OASL: variants seen among roughly 807,000 people sequenced by gnomAD.
OASL encodes the protein 2'-5'-oligoadenylate synthetase like, also known as 2'-5'-oligoadenylate synthase-like protein.
In OASL, 28 loss-of-function variants were observed where a neutral mutation model predicts 35.3. The ratio of observed to expected loss-of-function variants is 0.79; its 90% CI spans 0.59 to 1.09. The LOEUF (loss-of-function observed/expected upper bound fraction) is 1.09, where lower values mean the gene tolerates loss of function less well. Ranked by LOEUF, OASL falls within the 50% of genes least tolerant of loss-of-function variation. OASL has a pLI of 0.00. For synonymous variants in OASL, 252 were observed against 254.6 expected (o/e 0.99, Z 0.10); for missense variants, 620 against 635.2 (o/e 0.98, Z 0.26).
chr12:121,019,125 C>T (rs1298770777), exon 6 of OASL: 1 of 151,872 alleles, frequency 6.6e-6, no homozygotes. Flanking sequence ...ATTTTTCATT[C>T]TTTTTTTTAT....
At chr12:121,022,712 C>A (rs1592931828) in intron 5 of OASL, among the ~76,000 whole-genome samples, 1 of 152,232 alleles carries the variant, frequency 6.6e-6, no homozygotes, top group East Asian at 1.9e-4. Flanking sequence ...ATCCCAGCCT[C>A]CCATCCTTTA....
intron 1 of OASL, among the ~76,000 whole-genome samples, chr12:121,038,087 T>TA (rs571751942): frequency 0.05 from 7,094 of 141,708 alleles, 318 homozygotes; most frequent in African/African-American, 0.12. Flanking sequence ...ACCCTGTCTC[T>TA]AAAAAAAAAA....
chr12:121,032,235 C>T (rs1404990880), intron 2 of OASL, among the ~76,000 whole-genome samples: 2 of 151,986 alleles, frequency 1.3e-5, no homozygotes, highest in Non-Finnish European at 2.9e-5. Flanking sequence ...GAACCAGGAA[C>T]CAGTTCCATG....
At position 121,024,971 on chromosome 12, in the gene OASL, C is replaced by CTTTTTTTTTT. The variant is rs751576824; in HGVS notation, c.900-844_900-835dup. 4.7e-5 allele frequency among the ~76,000 whole-genome samples: 3 copies of CTTTTTTTTTT among 63,572 alleles called. 1 individual carries two copies. The highest frequency in any genetic ancestry group is 5.3e-4 in the East Asian group (1 of 1,902). The allele number at this position is 63,572 out of a possible 152,430, so 41.7% of individuals were successfully genotyped here. A position where few individuals can be genotyped will look rare whatever the true frequency, so the allele number is the denominator to read the frequency against. ...CCTTTTTACAGACCTCCCTAAGTTC[C>CTTTTTTTTTT]TTTTTTTTTTTTTTTTTTTTTTTTT... On this transcript the variant is annotated intron_variant, in intron 4 of 5. Coordinates refer to ENST00000257570, the Ensembl canonical transcript of OASL.
At chr12:121,023,662 A>G (rs1869349278) in intron 5 of OASL, 1 of 234,106 alleles carries the variant, frequency 4.3e-6, no homozygotes, top group South Asian at 6.5e-5. Context: ...CATCCCTGAG[A>G]ACAGCACTGG....
At chr12:121,023,108 A>G (rs1005174432) in intron 5 of OASL, among the ~76,000 whole-genome samples, 2 of 152,064 alleles carry the variant, frequency 1.3e-5, no homozygotes, top group African/African-American at 4.8e-5. Context: ...CTCTGCCTAT[A>G]CTATAGGTTT....
intron 1 of OASL, among the ~76,000 whole-genome samples, chr12:121,035,151 C>T (rs1869901053): frequency 6.6e-6 from 1 of 152,070 alleles, no homozygotes; most frequent in Admixed American, 6.6e-5. Flanking sequence ...CCCTGTGTGA[C>T]ATGAGCACGG....
chr12:121,028,630 G>GC (rs950008962), intron 3 of OASL, among the ~76,000 whole-genome samples: 14 of 58,188 alleles, frequency 2.4e-4, no homozygotes, highest in Middle Eastern at 7.9e-3. Flanking sequence ...CCCCCCGCCC[G>GC]CCCCCCCTAC....
downstream of OASL, among the ~76,000 whole-genome samples, chr12:121,018,898 GATC>G (rs1869132938): frequency 1.4e-5 from 2 of 143,670 alleles, no homozygotes; most frequent in Admixed American, 1.4e-4. Flanking sequence ...AAAAAGAAGC[GATC>G]CTAGAGACAC....
At chr12:121,027,704 G>A (rs758031506) in exon 4 of OASL, 50 of 1,614,036 alleles carry the variant, frequency 3.1e-5, no homozygotes, top group South Asian at 7.7e-5. Flanking sequence ...TGAAGCCTTC[G>A]TCCAACATGA....
At chr12:121,021,101 C>A in intron 5 of OASL, 43 bp from the exon 6 acceptor site, 1 of 1,507,842 alleles carries the variant, frequency 6.6e-7, no homozygotes, top group Non-Finnish European at 8.8e-7. Context: ...GTCCACACTT[C>A]TTTGTCTGAT....
At chr12:121,021,139 A>G (rs1869219178) in intron 5 of OASL, 81 bp from the exon 6 acceptor site, 1 of 1,395,502 alleles carries the variant, frequency 7.2e-7, no homozygotes. Context: ...ATCTGTCCTT[A>G]TCTTTACAAT....
At chr12:121,031,185 C>G (rs111328103) in intron 3 of OASL, among the ~76,000 whole-genome samples, 2,668 of 152,032 alleles carry the variant, frequency 0.018, 89 homozygotes, top group African/African-American at 0.061. Context: ...ATAAAAATAA[C>G]TAGTTTACTG....
chr12:121,033,797 C>A, intron 1 of OASL, 54 bp from the exon 2 acceptor site: 1 of 1,575,178 alleles, frequency 6.3e-7, no homozygotes, highest in Non-Finnish European at 8.6e-7. Flanking sequence ...AGCCAGGCAA[C>A]CCCTGCGGCA....
At chr12:121,036,612 C>T (rs563856898) in intron 1 of OASL, among the ~76,000 whole-genome samples, 28 of 152,198 alleles carry the variant, frequency 1.8e-4, no homozygotes, top group Middle Eastern at 3.4e-3. Flanking sequence ...GATGGAACCC[C>T]GTCTCTACTA....
chr12:121,027,438 G>A, intron 4 of OASL, 138 bp downstream of exon 4: 1 of 1,279,516 alleles, frequency 7.8e-7, no homozygotes, highest in Non-Finnish European at 1.1e-6. Context: ...CAGCTGTGTT[G>A]GTGTGGGAGG....
At chr12:121,030,646 G>A (rs1488169033) in intron 3 of OASL, among the ~76,000 whole-genome samples, 1 of 152,060 alleles carries the variant, frequency 6.6e-6, no homozygotes, top group East Asian at 1.9e-4. Flanking sequence ...GGAAGATTTT[G>A]TTTCCAAAAC....
chr12:121,031,597 G>GA lies in OASL; in HGVS notation c.501_502insT (p.Gln168SerfsTer5), dbSNP rs776668341. Reference sequence around the variant, plus strand: ...CTCACATAGACCTCAGGGGGTGGCTGGGAGTTGGGAAGAGAAGGCCCTGAG... The same window carrying GA: ...CTCACATAGACCTCAGGGGGTGGCTGAGGAGTTGGGAAGAGAAGGCCCTGAG... On this transcript the variant is annotated frameshift_variant, in exon 3 of 6. Transcript: ENST00000257570. LOFTEE classifies it high-confidence loss of function. 3.7e-6 allele frequency: 6 copies of GA among 1,613,312 alleles called. No homozygotes were observed. The highest frequency in any genetic ancestry group is 4.2e-6 in the Non-Finnish European group (5 of 1,179,560).
intron 3 of OASL, among the ~76,000 whole-genome samples, chr12:121,029,485 G>A (rs1353464851): frequency 6.6e-6 from 1 of 152,164 alleles, no homozygotes; most frequent in Non-Finnish European, 1.5e-5. Context: ...TCAGGAGATC[G>A]AGACCATCCT....
Sources: gnomAD v4.1 joint callset for allele counts (sites outside exome capture counted in the v4.1 genomes callset) on GRCh38, gnomAD v4.1.1 for gene constraint, MANE v1.5 for transcripts, NCBI Gene and HGNC (gene_info 2026-07-23, HGNC 2026-07-21) for gene names.